The following FBRSL1 variants were observed in gnomAD, a reference collection of about 807,000 sequenced individuals.
The protein encoded by FBRSL1 is fibrosin-1-like protein.
FBRSL1 carries 51 observed loss-of-function variants against 89.6 expected under a neutral mutation model. The ratio of observed to expected loss-of-function variants is 0.57; its 90% CI spans 0.45 to 0.72. The LOEUF is 0.72. Among genes scored for constraint, FBRSL1 ranks in the 30% least tolerant of loss-of-function variants. FBRSL1 has a pLI of 0.00. For synonymous variants in FBRSL1, 779 were observed against 681.1 expected (o/e 1.14, Z -2.24); for missense variants, 1,618 against 1,451.8 (o/e 1.11, Z -1.86).
At chr12:132,523,000 C>T (rs1044267699) in intron 2 of FBRSL1, among the ~76,000 whole-genome samples, 2 of 152,200 alleles carry the variant, frequency 1.3e-5, no homozygotes, top group Non-Finnish European at 2.9e-5. Context: ...GCTCCATAAG[C>T]ATCGGTTGGA....
intron 1 of FBRSL1, chr12:132,507,029 C>A: frequency 4.5e-6 from 1 of 223,824 alleles, no homozygotes; most frequent in Non-Finnish European, 7.5e-6. Context: ...GAGGGCGTGG[C>A]CGGCACCACC....
At chr12:132,543,774 C>T (rs2037456828) in intron 4 of FBRSL1, among the ~76,000 whole-genome samples, 1 of 152,186 alleles carries the variant, frequency 6.6e-6, no homozygotes, top group South Asian at 2.1e-4. Flanking sequence ...CGCAGTGGCC[C>T]CTGGGGTGGT....
At chr12:132,491,269 C>G (rs1053605243) in intron 1 of FBRSL1, among the ~76,000 whole-genome samples, 1 of 152,198 alleles carries the variant, frequency 6.6e-6, no homozygotes, top group Non-Finnish European at 1.5e-5. Flanking sequence ...CGGGCCATCC[C>G]GTTCCCTCCT....
At chr12:132,534,885 G>T (rs1207577397) in intron 4 of FBRSL1, among the ~76,000 whole-genome samples, 1 of 152,236 alleles carries the variant, frequency 6.6e-6, no homozygotes, top group Admixed American at 6.5e-5. Flanking sequence ...GCCTGGAGGG[G>T]CCTCATGAGT....
chr12:132,534,920 T>C (rs543096236), intron 4 of FBRSL1, among the ~76,000 whole-genome samples: 3 of 152,226 alleles, frequency 2.0e-5, no homozygotes, highest in East Asian at 3.9e-4. Flanking sequence ...CACCCACAGC[T>C]CCCTGCAGCG....
chr12:132,510,060 C>A (rs2034156048), intron 2 of FBRSL1: 2 of 1,231,216 alleles, frequency 1.6e-6, no homozygotes, highest in South Asian at 8.2e-5. Context: ...GCCTTCACTC[C>A]TGGGCCCGGG....
intron 4 of FBRSL1, among the ~76,000 whole-genome samples, chr12:132,543,182 G>A (rs1374058301): frequency 1.3e-5 from 2 of 152,210 alleles, no homozygotes; most frequent in Non-Finnish European, 2.9e-5. Context: ...AAGCCTGGCC[G>A]CCAGCGGCTG....
chr12:132,572,447 T>C, intron 10 of FBRSL1, 80 bp from the exon 11 acceptor site: 2 of 1,496,070 alleles, frequency 1.3e-6, no homozygotes, highest in South Asian at 2.4e-5. Flanking sequence ...CCCTGCTGCA[T>C]TGGTGCCACC....
Position 132,581,774 on chromosome 12 carries a change from T to C in FBRSL1, c.1946T>C (p.Leu649Pro). 6.5e-7 allele frequency: 1 copy of C among 1,549,508 alleles called. No homozygotes were observed. The highest frequency in any genetic ancestry group is 8.7e-7 in the Non-Finnish European group (1 of 1,146,456). ...AGCAGACCGAGCACCTTTGGGGGCCTGGGCAGCCTGAGCAGCCACGCCTTT... is the reference window on the plus strand; with the variant it reads ...AGCAGACCGAGCACCTTTGGGGGCCCGGGCAGCCTGAGCAGCCACGCCTTT... ...PFSRPSTFGG[L>P]GSLSSHAFGG... The change falls in exon 17 of 19, where the codon CTG (leucine) becomes CCG (proline). Residue 649 changes from leucine to proline, a missense_variant. Physicochemically the swap from Leu to Pro is moderately conservative, Grantham distance 98. Coordinates refer to ENST00000680143, the MANE Select transcript of FBRSL1 (RefSeq NM_001367871.1).
Position 132,582,208 on chromosome 12 carries a change from G to T in FBRSL1, c.2143G>T (p.Val715Leu), listed in dbSNP as rs1184566882. The T allele has an allele frequency of 6.5e-7, 1 of 1,550,206 alleles. No individual in the cohort carries two copies. The highest frequency in any genetic ancestry group is 2.4e-5 in the East Asian group (1 of 40,910). The change falls in exon 18 of 19, where the codon GTG becomes TTG. Residue 715 changes from valine (V) to leucine (L), a missense_variant. Val to Leu is a conservative substitution (Grantham distance 32). Transcript: ENST00000680143. ...GCCCAAGTCCGTGGACGCGGAGCGG[G>T]TGTCAGCCCTGACCAACCATGACCG... ...PWPKSVDAER[V>L]SALTNHDREP...
Position 132,533,598 on chromosome 12 carries a change from G to A in FBRSL1, c.615+5610G>A, listed in dbSNP as rs144420120. 2.6e-3 allele frequency among the ~76,000 whole-genome samples: 389 copies of A among 152,374 alleles called. 2 individuals are homozygous for A. Among genetic ancestry groups the A allele is most frequent in the Non-Finnish European group, 3.8e-3 (258 of 68,040 alleles). ...CCTCGCCCCATGGTGGGCACAGCCC[G>A]CACCCATCTGCTCACCCATTTGTCC... On this transcript the variant is annotated intron_variant, in intron 4 of 18. Coordinates refer to ENST00000680143, the MANE Select transcript of FBRSL1 (RefSeq NM_001367871.1).
At chr12:132,557,128 C>A (rs2038742785) in intron 5 of FBRSL1, among the ~76,000 whole-genome samples, 1 of 152,156 alleles carries the variant, frequency 6.6e-6, no homozygotes, top group South Asian at 2.1e-4. Flanking sequence ...GCCTCCAGCA[C>A]CTTCCCATGC....
chr12:132,557,474 G>T lies in FBRSL1; in HGVS notation c.645+9442G>T, dbSNP rs577296085. ...TCTAGTTTCACCCCCAAACTGGGGC[G>T]CAGGGCTGTGGGGCGGGGCTCGGGG... On this transcript the variant is annotated intron_variant, in intron 5 of 18. Coordinates refer to ENST00000680143, the MANE Select transcript of FBRSL1 (RefSeq NM_001367871.1). 2.0e-5 allele frequency among the ~76,000 whole-genome samples: 3 copies of T among 152,128 alleles called. No individual in the cohort carries two copies. The South Asian group carries it at 6.2e-4, about 32-fold the overall frequency.
chr12:132,565,398 TAAAC>T (rs947410728), intron 5 of FBRSL1: 3 of 152,344 alleles, frequency 2.0e-5, no homozygotes, highest in South Asian at 2.1e-4. Flanking sequence ...GATGCTCATG[TAAAC>T]AAACATCCAT....
chr12:132,497,690 G>A (rs1036508818), intron 1 of FBRSL1, among the ~76,000 whole-genome samples: 16 of 152,158 alleles, frequency 1.1e-4, no homozygotes, highest in Non-Finnish European at 1.8e-4. Flanking sequence ...TCTGGGCCTC[G>A]GGACCCCTAG....
Position 132,570,635 on chromosome 12 carries a change from G to A in FBRSL1, c.1213+95G>A, listed in dbSNP as rs758039361. On this transcript the variant is annotated intron_variant, in intron 8 of 18. Transcript: ENST00000680143. ...GGGCGCACAGCCTGGCCCTCCACCT[G>A]CTGTGGTCTCTGCGGACCCTGCGCG... is the stretch of plus-strand genomic sequence containing the variant. The A allele has an allele frequency of 6.2e-6, 7 of 1,132,700 alleles. No homozygotes were observed. In the African/African-American group the frequency reaches 9.8e-5, roughly 16 times the overall value. 70.2% of individuals were successfully genotyped at this position (1,132,700 alleles called of 1,614,324 possible). A position where few individuals can be genotyped will look rare whatever the true frequency, so the allele number is the denominator to read the frequency against.
At position 132,583,428 on chromosome 12, in the gene FBRSL1, G is replaced by A; in HGVS notation, c.2659G>A (p.Asp887Asn). ...GGAGCCCCCGGAGCGCCCCTACCGC[G>A]ACCGCGAGCCCCACGGCTACAGCCC... The part of the protein sequence containing the change: ...LLEPPERPYR[D>N]REPHGYSPER... The change falls in exon 19 of 19, where the codon GAC becomes AAC. Residue 887 changes from aspartate (D) to asparagine (N), a missense_variant. Coordinates refer to ENST00000680143, the MANE Select transcript of FBRSL1 (RefSeq NM_001367871.1). 1 of 1,073,480 alleles carries A rather than the reference G, an allele frequency of 9.3e-7. No homozygotes were observed. The highest frequency in any genetic ancestry group is 2.9e-5 in the South Asian group (1 of 34,842). 66.5% of individuals were successfully genotyped at this position (1,073,480 alleles called of 1,614,324 possible).
chr12:132,583,311 C>T lies in FBRSL1; in HGVS notation c.2542C>T (p.Pro848Ser), dbSNP rs1350792915. Residue 848 changes from proline to serine, a missense_variant, in exon 19 of 19, where the codon CCG becomes TCG. Pro to Ser is a moderately conservative substitution (Grantham distance 74). Coordinates refer to ENST00000680143, the MANE Select transcript of FBRSL1 (RefSeq NM_001367871.1). The part of the protein sequence containing the change: ...LGLGRERLGA[P>S]GFAWEPFRGL... The stretch of plus-strand genomic sequence containing the variant: ...CCTGGGCCGCGAGCGCCTGGGCGCG[C>T]CGGGCTTCGCGTGGGAGCCTTTCCG... The T allele has an allele frequency of 3.3e-6, 4 of 1,194,822 alleles. No individual in the cohort carries two copies. Among genetic ancestry groups the T allele is most frequent in the Non-Finnish European group, 4.2e-6 (4 of 961,854 alleles). The allele number at this position is 1,194,822 out of a possible 1,614,324, so 74.0% of individuals were successfully genotyped here.
chr12:132,498,598 C>T (rs942849477), intron 1 of FBRSL1, among the ~76,000 whole-genome samples: 1 of 152,266 alleles, frequency 6.6e-6, no homozygotes, highest in African/African-American at 2.4e-5. Flanking sequence ...GGTTCTCCTG[C>T]TCTACAGCCT....
Sources: allele counts gnomAD v4.1 joint callset (sites outside exome capture counted in the v4.1 genomes callset), GRCh38; gene constraint gnomAD v4.1.1; transcripts MANE v1.5; gene names NCBI Gene and HGNC (gene_info 2026-07-23, HGNC 2026-07-21).